TENM4: variants seen among roughly 807,000 people sequenced by gnomAD.
TENM4 encodes teneurin transmembrane protein 4, also known as teneurin-4.
In TENM4, 82 loss-of-function variants were observed where a neutral mutation model predicts 243.3. The ratio of observed to expected loss-of-function variants is 0.34; its 90% CI spans 0.28 to 0.40. TENM4 has a LOEUF of 0.40. Ranked by LOEUF, TENM4 falls within the 10% of genes least tolerant of loss-of-function variation. TENM4 has a pLI of 1.00. For missense variants in TENM4, 3,138 were observed against 3,673.3 expected, an observed-to-expected ratio of 0.85 and a Z score of 3.77; for synonymous variants, 1,412 against 1,456.3, an observed-to-expected ratio of 0.97 and a Z score of 0.69.
At chr11:78,866,958 T>C (rs994391029) in intron 9 of TENM4, among the ~76,000 whole-genome samples, 6 of 152,010 alleles carry the variant, frequency 3.9e-5, no homozygotes, top group Non-Finnish European at 8.8e-5. Flanking sequence ...TAAAAAAAAT[T>C]TTAATTTTTG....
intron 1 of TENM4, among the ~76,000 whole-genome samples, chr11:79,320,909 A>C (rs1856877483): frequency 6.6e-6 from 1 of 152,176 alleles, no homozygotes; most frequent in Non-Finnish European, 1.5e-5. Context: ...CTAAAAACTG[A>C]GCTAGGTGTC....
intron 1 of TENM4, among the ~76,000 whole-genome samples, chr11:79,387,957 A>T (rs1858152012): frequency 1.3e-5 from 2 of 152,240 alleles, no homozygotes; most frequent in African/African-American, 4.8e-5. Flanking sequence ...GTCAGCCATG[A>T]TCATGCCTGG....
intron 1 of TENM4, among the ~76,000 whole-genome samples, chr11:79,345,542 A>G (rs1032904661): frequency 1.3e-5 from 2 of 152,216 alleles, no homozygotes; most frequent in South Asian, 2.1e-4. Flanking sequence ...TCTCTCACTT[A>G]TGGGGTAGTT....
rs1038029140 is a variant in TENM4, at chr11:78,669,021, T to C, written c.7324A>G (p.Ser2442Gly). ...TAGAGATTAAAAGGCATGACGTTGCTGCTACTAAGGTGCTTCCACAGCTCG... is the reference window on the plus strand; with the variant it reads ...TAGAGATTAAAAGGCATGACGTTGCCGCTACTAAGGTGCTTCCACAGCTCG... ...DHELWKHLSSSNVMPFNLYMF... is the reference protein window; with the variant it reads ...DHELWKHLSSGNVMPFNLYMF... The change falls in exon 32 of 34, where the codon AGC becomes GGC. Residue 2442 changes from serine (S) to glycine (G), a missense_variant. This residue lies in a region of TENM4 where 2,467 missense variants were observed against 3,059.1 expected (regional missense o/e 0.81). Coordinates refer to ENST00000278550, the MANE Select transcript of TENM4 (RefSeq NM_001098816.3). The surrounding 1 kb of genome is among the most constrained non-coding windows in gnomAD (Gnocchi z 6.4). 1.9e-6 allele frequency: 3 copies of C among 1,613,922 alleles called. No individual in the cohort carries two copies. Among genetic ancestry groups the C allele is most frequent in the Non-Finnish European group, 2.5e-6 (3 of 1,179,910 alleles).
intron 1 of TENM4, among the ~76,000 whole-genome samples, chr11:79,315,336 A>T (rs1232200695): frequency 6.6e-6 from 1 of 152,152 alleles, no homozygotes; most frequent in Non-Finnish European, 1.5e-5. Flanking sequence ...ACCGCTCAAG[A>T]CCAGAAGGTC....
chr11:79,298,587 C>A (rs1463956699), intron 1 of TENM4, among the ~76,000 whole-genome samples: 1 of 150,818 alleles, frequency 6.6e-6, no homozygotes, highest in South Asian at 2.1e-4. Context: ...CACAGATACC[C>A]TTTTTAACTT....
intron 9 of TENM4, 26 bp downstream of exon 9, chr11:78,889,759 G>A: frequency 7.1e-6 from 11 of 1,548,782 alleles, no homozygotes; most frequent in Non-Finnish European, 9.6e-6. Flanking sequence ...GAGGAGCAAG[G>A]GGAGCTGGGG....
intron 4 of TENM4, among the ~76,000 whole-genome samples, chr11:79,092,446 C>A (rs934870772): frequency 6.6e-6 from 1 of 152,194 alleles, no homozygotes; most frequent in African/African-American, 2.4e-5. Context: ...CGGGAGACTG[C>A]GTCATTCGCA....
intron 6 of TENM4, among the ~76,000 whole-genome samples, chr11:78,965,314 C>G (rs1857415276): frequency 6.6e-6 from 1 of 152,076 alleles, no homozygotes; most frequent in Non-Finnish European, 1.5e-5. Context: ...ACCGCCCCAC[C>G]AAGAACCACA....
intron 6 of TENM4, among the ~76,000 whole-genome samples, chr11:78,985,239 T>G (rs1366975736): frequency 6.6e-6 from 1 of 152,176 alleles, no homozygotes; most frequent in Non-Finnish European, 1.5e-5. Flanking sequence ...TATTATTTGA[T>G]GTACACATGC....
At chr11:78,768,818 C>G (rs977629538) in intron 18 of TENM4, among the ~76,000 whole-genome samples, 30 of 152,300 alleles carry the variant, frequency 2.0e-4, no homozygotes, top group African/African-American at 4.6e-4. Context: ...TCTCTCTCCC[C>G]CCGAGCTGTG....
At chr11:78,790,484 C>T (rs1435643652) in intron 15 of TENM4, among the ~76,000 whole-genome samples, 3 of 152,220 alleles carry the variant, frequency 2.0e-5, no homozygotes, top group South Asian at 2.1e-4. Context: ...TCAAGTTTTA[C>T]AGTTTGCAAA....
intron 2 of TENM4, among the ~76,000 whole-genome samples, chr11:79,223,860 T>C (rs1220843301): frequency 6.6e-6 from 1 of 152,204 alleles, no homozygotes; most frequent in Admixed American, 6.5e-5. Context: ...GTGACAGTCA[T>C]AGGTGCTGTG....
rs773353010 is a variant in TENM4, at chr11:78,670,016, T to G, written c.6329A>C (p.Tyr2110Ser). 8 of 1,613,984 alleles carry G rather than the reference T, an allele frequency of 5.0e-6. No individual in the cohort carries two copies. Among genetic ancestry groups the G allele is most frequent in the Non-Finnish European group, 6.8e-6 (8 of 1,179,892 alleles). ...ETPLPIDLYRYDDVSGKTEQF... is the reference protein window; with the variant it reads ...ETPLPIDLYRSDDVSGKTEQF... Reference sequence around the variant, plus strand: ...CTCTGTCTTGCCTGACACATCATCATAGCGATAGAGATCAATGGGCAGTGG... The same window carrying G: ...CTCTGTCTTGCCTGACACATCATCAGAGCGATAGAGATCAATGGGCAGTGG... Residue 2110 changes from tyrosine to serine, a missense_variant, in exon 32 of 34, where the codon TAT becomes TCT. Physicochemically the swap from Tyr to Ser is moderately radical, Grantham distance 144 (BLOSUM62 -2). Around this residue, in one of 2 missense-constraint regions of TENM4, gnomAD observed 2,467 missense variants for 3,059.1 expected, o/e 0.81. Coordinates refer to ENST00000278550, the MANE Select transcript of TENM4 (RefSeq NM_001098816.3).
chr11:78,836,023 C>A (rs1858102314), intron 12 of TENM4, among the ~76,000 whole-genome samples: 1 of 152,224 alleles, frequency 6.6e-6, no homozygotes, highest in African/African-American at 2.4e-5. Flanking sequence ...TAAATCTGGT[C>A]TTGTCACACT....
At chr11:79,298,551 A>G (rs1409933376) in intron 1 of TENM4, among the ~76,000 whole-genome samples, 1 of 151,072 alleles carries the variant, frequency 6.6e-6, no homozygotes, top group Non-Finnish European at 1.5e-5. Context: ...AAAAAAAAGA[A>G]AAACAGGGAA....
At chr11:78,761,541 G>A (rs1856431141) in intron 18 of TENM4, among the ~76,000 whole-genome samples, 1 of 152,142 alleles carries the variant, frequency 6.6e-6, no homozygotes, top group African/African-American at 2.4e-5. Flanking sequence ...GCCTGGCCCA[G>A]GGTGGTTTTC....
At chr11:79,221,515 C>T (rs1258856863) in intron 2 of TENM4, among the ~76,000 whole-genome samples, 1 of 151,950 alleles carries the variant, frequency 6.6e-6, no homozygotes, top group South Asian at 2.1e-4. Flanking sequence ...ACTGCATACA[C>T]AGAAGAGCAT....
intron 22 of TENM4, among the ~76,000 whole-genome samples, chr11:78,727,835 C>T (rs1438998603): frequency 6.6e-6 from 1 of 152,210 alleles, no homozygotes; most frequent in African/African-American, 2.4e-5. Context: ...CACTATTTTC[C>T]AGTGGACAAT....
Sources: allele counts gnomAD v4.1 joint callset (sites outside exome capture counted in the v4.1 genomes callset), GRCh38; gene constraint gnomAD v4.1.1; regional missense constraint gnomAD v4.1.1; non-coding constraint Gnocchi (gnomAD v3.1); transcripts MANE v1.5; gene names NCBI Gene and HGNC (gene_info 2026-07-23, HGNC 2026-07-21).